Variants in WRN observed in about 807,000 individuals in gnomAD.
WRN encodes the protein WRN RecQ like helicase.
A neutral mutation model predicts 180.7 loss-of-function variants in WRN; 149 were observed. The observed-to-expected ratio is 0.82, with a 90% CI of 0.72 to 0.94. WRN has a LOEUF of 0.94. Among genes scored for constraint, WRN ranks in the 40% least tolerant of loss-of-function variants. The pLI, the probability that WRN is intolerant of heterozygous loss-of-function variation, is 0.00. For missense variants in WRN, 1,661 were observed against 1,700.1 expected (o/e 0.98, Z 0.40); for synonymous variants, 548 against 568.9 (o/e 0.96, Z 0.52).
intron 18 of WRN, among the ~76,000 whole-genome samples, chr8:31,108,527 C>T (rs971858081): frequency 1.3e-5 from 2 of 151,744 alleles, no homozygotes; most frequent in African/African-American, 4.8e-5. Context: ...CCACTGATAA[C>T]TAGCACAATC....
chr8:31,163,111 C>G (rs974589912), intron 33 of WRN, among the ~76,000 whole-genome samples: 1 of 152,180 alleles, frequency 6.6e-6, no homozygotes, highest in Admixed American at 6.5e-5. Context: ...TGTGCACACG[C>G]GCACGCATGC....
chr8:31,076,528 A>G (rs1813101825), intron 8 of WRN, among the ~76,000 whole-genome samples: 1 of 152,144 alleles, frequency 6.6e-6, no homozygotes, highest in African/African-American at 2.4e-5. Flanking sequence ...AGGAATAGAA[A>G]TTGTATTCAT....
At chr8:31,092,034 C>A (rs1813767300) in intron 16 of WRN, 136 bp downstream of exon 16, 3 of 800,384 alleles carry the variant, frequency 3.7e-6, no homozygotes, top group South Asian at 1.6e-5. Context: ...GGTCAGATGT[C>A]TGTGGTATAT....
chr8:31,077,570 A>T (rs1462438797), intron 8 of WRN, among the ~76,000 whole-genome samples: 1 of 152,190 alleles, frequency 6.6e-6, no homozygotes. Context: ...ATGGGGAAGG[A>T]TACTAGTAAA....
chr8:31,061,984 G>GAA (rs1206813522), intron 3 of WRN, among the ~76,000 whole-genome samples: 1 of 152,086 alleles, frequency 6.6e-6, no homozygotes, highest in African/African-American at 2.4e-5. Flanking sequence ...ACTCTGCCCC[G>GAA]TGAGTTCCAG....
At chr8:31,075,633 T>C (rs1404090572) in intron 7 of WRN, among the ~76,000 whole-genome samples, 1 of 151,278 alleles carries the variant, frequency 6.6e-6, no homozygotes, top group Non-Finnish European at 1.5e-5. Flanking sequence ...GGAATGAGAA[T>C]AGCTTGAAGC....
chr8:31,130,809 T>G (rs1800916292), intron 23 of WRN, among the ~76,000 whole-genome samples: 1 of 152,198 alleles, frequency 6.6e-6, no homozygotes, highest in South Asian at 2.1e-4. Context: ...TGAAAAACAT[T>G]AAAATTCTCT....
chr8:31,084,457 A>AT (rs1226299979), intron 10 of WRN, among the ~76,000 whole-genome samples: 2 of 152,072 alleles, frequency 1.3e-5, no homozygotes, highest in African/African-American at 2.4e-5. Context: ...CTTATTTTCA[A>AT]TTTTTTTATT....
In WRN at chr8:31,064,886, CTTATGGAAATAACAA is replaced by C. The variant is rs1563329815; in HGVS notation, c.356-28_356-14del. 6.2e-7 allele frequency: 1 copy of C among 1,611,666 alleles called. No individual in the cohort carries two copies. On this transcript the variant is annotated splice_polypyrimidine_tract_variant and intron_variant, in intron 4 of 34. Transcript: ENST00000298139. ...CATAAATCCATCATACTTGACAGAACTTATGGAAATAACAAGAAAATGTTACAGTTTTTCCCCAGG... is the reference window on the plus strand; with the variant it reads ...CATAAATCCATCATACTTGACAGAACGAAAATGTTACAGTTTTTCCCCAGG...
intron 33 of WRN, among the ~76,000 whole-genome samples, chr8:31,166,288 C>T (rs1803857366): frequency 6.6e-6 from 1 of 152,068 alleles, no homozygotes; most frequent in African/African-American, 2.4e-5. Context: ...GGGTTTACCG[C>T]ACTCTGGAGC....
chr8:31,071,317 TA>T (rs1812906444), intron 7 of WRN, among the ~76,000 whole-genome samples: 1 of 151,908 alleles, frequency 6.6e-6, no homozygotes, highest in African/African-American at 2.4e-5. Context: ...TGAATTACAT[TA>T]AAAAAATAAG....
At chr8:31,054,268 A>G (rs1812182093) in intron 1 of WRN, among the ~76,000 whole-genome samples, 2 of 152,216 alleles carry the variant, frequency 1.3e-5, no homozygotes, top group South Asian at 4.1e-4. Context: ...AAACTGAAGA[A>G]AGTAACTGAT....
At position 31,174,562 on chromosome 8, in the gene WRN, G is replaced by C. The variant is rs1482441326; in HGVS notation, c.*1460G>C. Among the ~76,000 whole-genome samples, 1 of 152,184 alleles carries C rather than the reference G, an allele frequency of 6.6e-6. No homozygotes were observed. Among genetic ancestry groups the C allele is most frequent in the African/African-American group, 2.4e-5 (1 of 41,450 alleles). On this transcript the variant is annotated 3_prime_UTR_variant, in exon 35 of 35. Coordinates refer to ENST00000298139, the MANE Select transcript of WRN (RefSeq NM_000553.6). Reference sequence around the variant, plus strand: ...ATTTGTTGTGCCAATGATAAAATTGGAGATTTCTAGCAAAATGTATAATTT... The same window carrying C: ...ATTTGTTGTGCCAATGATAAAATTGCAGATTTCTAGCAAAATGTATAATTT...
At chr8:31,051,403 C>T (rs1812072838) in intron 1 of WRN, among the ~76,000 whole-genome samples, 1 of 152,020 alleles carries the variant, frequency 6.6e-6, no homozygotes, top group Non-Finnish European at 1.5e-5. Flanking sequence ...AAAAAGCTAC[C>T]CTTTCTTAGC....
At position 31,174,275 on chromosome 8, in the gene WRN, A is replaced by G. The variant is rs1205373920; in HGVS notation, c.*1173A>G. Among the ~76,000 whole-genome samples, 1 of 152,208 alleles carries G rather than the reference A, an allele frequency of 6.6e-6. No homozygotes were observed. Among genetic ancestry groups the G allele is most frequent in the Non-Finnish European group, 1.5e-5 (1 of 68,040 alleles). On this transcript the variant is annotated 3_prime_UTR_variant, in exon 35 of 35. Transcript: ENST00000298139. ...ATGCTTTTGTGTGTGCATCTGCAATACCCTGTGAATATCCTGTGTGATGGA... is the reference window on the plus strand; with the variant it reads ...ATGCTTTTGTGTGTGCATCTGCAATGCCCTGTGAATATCCTGTGTGATGGA...
At chr8:31,039,807 A>C (rs148065118) in intron 1 of WRN, among the ~76,000 whole-genome samples, 260 of 152,268 alleles carry the variant, frequency 1.7e-3, no homozygotes, top group Middle Eastern at 6.8e-3. Context: ...TGAAATGATC[A>C]TGTATTTTTC....
chr8:31,042,077 A>C (rs1811681111), intron 1 of WRN, among the ~76,000 whole-genome samples: 1 of 152,234 alleles, frequency 6.6e-6, no homozygotes, highest in South Asian at 2.1e-4. Context: ...CCCCAGTTAG[A>C]TGAAAAGATT....
Position 31,143,404 on chromosome 8 carries a change from T to C in WRN, c.3310-146T>C, listed in dbSNP as rs369814742. ...CTTTAGAACTTTAGAAACTGATAAT[T>C]TAGGAGGTTATTTTCAGGTGATTAA... is the stretch of plus-strand genomic sequence containing the variant. On this transcript the variant is annotated intron_variant, in intron 27 of 34. Transcript: ENST00000298139. 6 of 582,616 alleles carry C rather than the reference T, an allele frequency of 1.0e-5. No homozygotes were observed. The African/African-American group carries it at 1.1e-4, about 11-fold the overall frequency. 36.1% of individuals were successfully genotyped at this position (582,616 alleles called of 1,614,324 possible). A position where few individuals can be genotyped will look rare whatever the true frequency, so the allele number is the denominator to read the frequency against.
At chr8:31,124,172 G>A (rs1389416641) in intron 21 of WRN, among the ~76,000 whole-genome samples, 5 of 152,072 alleles carry the variant, frequency 3.3e-5, no homozygotes, top group African/African-American at 9.7e-5. Flanking sequence ...TTAATAAATT[G>A]TAGAAGCATT....
Sources: gnomAD v4.1 joint callset for allele counts (sites outside exome capture counted in the v4.1 genomes callset) on GRCh38, gnomAD v4.1.1 for gene constraint, MANE v1.5 for transcripts, NCBI Gene and HGNC (gene_info 2026-07-23, HGNC 2026-07-21) for gene names.